RICTOR: variants seen among roughly 807,000 people sequenced by gnomAD.
RICTOR encodes rapamycin-insensitive companion of mTOR.
RICTOR carries 49 observed loss-of-function variants against 214.9 expected under a neutral mutation model. That is an observed-to-expected ratio of 0.23 (90% CI 0.18 to 0.29). The LOEUF (loss-of-function observed/expected upper bound fraction) is 0.29, where lower values mean the gene tolerates loss of function less well. Among genes scored for constraint, RICTOR ranks in the 10% least tolerant of loss-of-function variants. The pLI is 1.00. For missense variants in RICTOR, 1,625 were observed against 2,047.0 expected (o/e 0.79, Z 3.98); for synonymous variants, 717 against 711.3 (o/e 1.01, Z -0.13).
Position 38,990,596 on chromosome 5 carries a change from C to T in RICTOR, c.583+353G>A, listed in dbSNP as rs142478958. Among the ~76,000 whole-genome samples the T allele has an allele frequency of 5.3e-3, 630 of 119,258 alleles. 53 individuals are homozygous for T. Among genetic ancestry groups the T allele is most frequent in the African/African-American group, 0.021 (595 of 28,546 alleles). 78.2% of individuals were successfully genotyped at this position (119,258 alleles called of 152,430 possible). A position where few individuals can be genotyped will look rare whatever the true frequency, so the allele number is the denominator to read the frequency against. ...ATATATGATATATACATGATATATACGATATATATGATATATATACGATAT... is the reference window on the plus strand; with the variant it reads ...ATATATGATATATACATGATATATATGATATATATGATATATATACGATAT... On this transcript the variant is annotated intron_variant, in intron 7 of 37. Coordinates refer to ENST00000357387, the MANE Select transcript of RICTOR (RefSeq NM_152756.5).
intron 34 of RICTOR, 89 bp downstream of exon 34, chr5:38,945,402 A>G: frequency 1.2e-6 from 1 of 862,466 alleles, no homozygotes; most frequent in Non-Finnish European, 1.8e-6. Flanking sequence ...GAAACTCTGA[A>G]TTAGAATACC....
At chr5:39,034,188 T>C (rs1756482954) in intron 2 of RICTOR, among the ~76,000 whole-genome samples, 1 of 152,238 alleles carries the variant, frequency 6.6e-6, no homozygotes, top group African/African-American at 2.4e-5. Context: ...CTTTAATTGG[T>C]TTATTGTCAG....
At chr5:38,994,195 A>T (rs532574751) in intron 6 of RICTOR, among the ~76,000 whole-genome samples, 16 of 151,538 alleles carry the variant, frequency 1.1e-4, no homozygotes, top group East Asian at 1.9e-4. Context: ...ATCTCAAAAA[A>T]ATATATATAT....
chr5:39,054,614 C>T (rs184742168), intron 2 of RICTOR, among the ~76,000 whole-genome samples: 1 of 152,282 alleles, frequency 6.6e-6, no homozygotes, highest in East Asian at 1.9e-4. Flanking sequence ...CCCTTCTGGG[C>T]CTCTTGATTT....
chr5:38,967,727 A>G (rs542244630), intron 12 of RICTOR, among the ~76,000 whole-genome samples: 3 of 152,260 alleles, frequency 2.0e-5, no homozygotes, highest in African/African-American at 7.2e-5. Context: ...ATTCCTATTA[A>G]TTTAATTGCT....
In RICTOR at chr5:38,945,653, C is replaced by T. The variant is rs1174132101; in HGVS notation, c.4471G>A (p.Glu1491Lys). 3 of 1,613,888 alleles carry T rather than the reference C, an allele frequency of 1.9e-6. No homozygotes were observed. Among genetic ancestry groups the T allele is most frequent in the African/African-American group, 2.7e-5 (2 of 74,926 alleles). ...TCTGAATGGATTGAATTCATTATTT[C>T]CGTAAGACTCATCTGCTGTCGTAGC... ...HLLRQQMSLT[E>K]IMNSIHSDAS... Residue 1491 changes from glutamate to lysine, a missense_variant, in exon 34 of 38, where the codon GAA becomes AAA. Physicochemically the swap from Glu to Lys is moderately conservative, Grantham distance 56. Around this residue, in one of 5 missense-constraint regions of RICTOR, gnomAD observed 1,214 missense variants for 1,470.5 expected, o/e 0.83. Transcript: ENST00000357387.
intron 31 of RICTOR, among the ~76,000 whole-genome samples, chr5:38,948,088 A>AT (rs1561441159): frequency 6.6e-6 from 1 of 152,108 alleles, no homozygotes; most frequent in East Asian, 1.9e-4. Flanking sequence ...TGATATTTCC[A>AT]TAAGATACAT....
At chr5:39,020,902 C>A in intron 3 of RICTOR, 137 bp downstream of exon 3, 1 of 606,732 alleles carries the variant, frequency 1.6e-6, no homozygotes. Context: ...GGACAAAATC[C>A]ATGAGAAGCA....
chr5:38,970,435 A>C (rs1254205727), intron 11 of RICTOR: 2 of 152,194 alleles, frequency 1.3e-5, no homozygotes, highest in Non-Finnish European at 2.9e-5. Context: ...AGTTGGTCAG[A>C]CTCTCCAAAG....
At chr5:39,053,900 A>AC (rs1339772308) in intron 2 of RICTOR, among the ~76,000 whole-genome samples, 4 of 135,588 alleles carry the variant, frequency 3.0e-5, no homozygotes, top group Admixed American at 2.9e-4. Flanking sequence ...CAAAAAAAAA[A>AC]AAAAAACCCG....
intron 3 of RICTOR, among the ~76,000 whole-genome samples, chr5:39,004,541 C>T (rs1371756427): frequency 6.6e-6 from 1 of 151,358 alleles, no homozygotes; most frequent in African/African-American, 2.4e-5. Flanking sequence ...ATCACTGCAA[C>T]CTCTGCCTCC....
At chr5:39,041,940 CAAAAAAAAAA>C (rs35609106) in intron 2 of RICTOR, among the ~76,000 whole-genome samples, 12 of 84,610 alleles carry the variant, frequency 1.4e-4, no homozygotes, top group Non-Finnish European at 1.7e-4. Context: ...GACCCTGTTT[CAAAAAAAAAA>C]AAAAAAAAAA....
chr5:38,964,862 G>A lies in RICTOR; in HGVS notation c.1330C>T (p.His444Tyr). 6.2e-7 allele frequency: 1 copy of A among 1,607,060 alleles called. No individual in the cohort carries two copies. The highest frequency in any genetic ancestry group is 8.5e-7 in the Non-Finnish European group (1 of 1,175,230). ...ANTILPHSHSHHLHCLPTLMN... is the reference protein window; with the variant it reads ...ANTILPHSHSYHLHCLPTLMN... The stretch of plus-strand genomic sequence containing the variant: ...AGGGTTGGCAAGCAGTGTAAATGAT[G>A]GCTATGTGAATGAGGAAGAATTGTG... The change falls in exon 16 of 38, where the codon CAT (histidine) becomes TAT (tyrosine). Residue 444 changes from histidine (H) to tyrosine (Y), a missense_variant. This residue lies in a region of RICTOR where 1,214 missense variants were observed against 1,470.5 expected (regional missense o/e 0.83). Coordinates refer to ENST00000357387, the MANE Select transcript of RICTOR (RefSeq NM_152756.5).
chr5:39,071,243 G>A (rs551564970), intron 2 of RICTOR, among the ~76,000 whole-genome samples: 1 of 152,090 alleles, frequency 6.6e-6, no homozygotes, highest in East Asian at 1.9e-4. Context: ...ACTGCACTTC[G>A]CTTAGACTTA....
chr5:39,019,206 C>A (rs75652476), intron 3 of RICTOR, among the ~76,000 whole-genome samples: 2,450 of 152,192 alleles, frequency 0.016, 39 homozygotes, highest in Non-Finnish European at 0.025. Context: ...GCAGTAGGTG[C>A]CGATACAGAA....
intron 7 of RICTOR, among the ~76,000 whole-genome samples, chr5:38,989,745 A>T (rs971436258): frequency 6.6e-6 from 1 of 152,224 alleles, no homozygotes; most frequent in African/African-American, 2.4e-5. Flanking sequence ...AAACATATGA[A>T]AAAAAGCTCA....
At position 38,990,736 on chromosome 5, in the gene RICTOR, G is replaced by C. The variant is rs367545982; in HGVS notation, c.583+213C>G. On this transcript the variant is annotated intron_variant, in intron 7 of 37. Transcript: ENST00000357387. ...TATATATGATATATATCATATATAT[G>C]ATATATATGAGATATATGATATATA... 2.6e-3 allele frequency among the ~76,000 whole-genome samples: 53 copies of C among 20,692 alleles called. 2 individuals are homozygous for C. Among genetic ancestry groups the C allele is most frequent in the African/African-American group, 5.4e-3 (43 of 7,974 alleles). The allele number at this position is 20,692 out of a possible 152,430, so 13.6% of individuals were successfully genotyped here.
At position 39,053,902 on chromosome 5, in the gene RICTOR, A is replaced by C. The variant is rs1411875567; in HGVS notation, c.97+20209T>G. Among the ~76,000 whole-genome samples the C allele has an allele frequency of 6.9e-5, 10 of 145,862 alleles. 1 individual carries two copies. Among genetic ancestry groups the C allele is most frequent in the African/African-American group, 1.0e-4 (4 of 38,808 alleles). On this transcript the variant is annotated intron_variant, in intron 2 of 37. Transcript: ENST00000357387. ...CGAGACTCCGTCTCAAAAAAAAAAA[A>C]AAAACCCGTCTCTACTAAAAATACA...
rs2150027845 is a variant in RICTOR at position 38,964,887 on chromosome 5, G to A, written c.1305C>T (p.Asn435=). 6.3e-7 allele frequency: 1 copy of A among 1,596,966 alleles called. No individual in the cohort carries two copies. The highest frequency in any genetic ancestry group is 1.7e-4 in the Middle Eastern group (1 of 6,018). ...GGCTATGTGAATGAGGAAGAATTGT[G>A]TTTGCCTAAAATGAAGCATAACATT... The part of the protein sequence containing the change: ...ILLGELLHMA[N]TILPHSHSHH... Residue 435 remains asparagine (N), a synonymous_variant, in exon 16 of 38, where the codon AAC becomes AAT. Transcript: ENST00000357387.
Sources: gnomAD v4.1 joint callset for allele counts (sites outside exome capture counted in the v4.1 genomes callset) on GRCh38, gnomAD v4.1.1 for gene constraint, gnomAD v4.1.1 regional missense constraint, MANE v1.5 for transcripts, NCBI Gene and HGNC (gene_info 2026-07-23, HGNC 2026-07-21) for gene names.